Variants in ELMO1 observed in about 807,000 individuals in gnomAD.
ELMO1 encodes engulfment and cell motility protein 1.
ELMO1 carries 26 observed loss-of-function variants against 98.9 expected under a neutral mutation model. That is an observed-to-expected ratio of 0.26 (90% confidence interval 0.19 to 0.36). The LOEUF is 0.36. Ranked by LOEUF, ELMO1 falls within the 10% of genes least tolerant of loss-of-function variation. The probability of loss-of-function intolerance (pLI) is 1.00; values close to 1 mark genes in which losing one functional copy is unlikely to be tolerated. For missense variants in ELMO1, 627 were observed against 935.2 expected (o/e 0.67, Z 4.30); for synonymous variants, 346 against 346.0 (o/e 1.00, Z 0.00).
rs528509272 is a variant in ELMO1, at chr7:37,150,214, C to A, written c.1087-16980G>T. 4.6e-5 allele frequency among the ~76,000 whole-genome samples: 7 copies of A among 152,154 alleles called. No individual in the cohort carries two copies. In the East Asian group the frequency reaches 1.4e-3, roughly 29 times the overall value. The stretch of plus-strand genomic sequence containing the variant: ...ACATAGCTTACCTCCCTTCAATATA[C>A]TTCTTATAAATGGCAACATCTGAAG... On this transcript the variant is annotated intron_variant, in intron 13 of 21. Coordinates refer to ENST00000310758, the MANE Select transcript of ELMO1 (RefSeq NM_014800.11).
At chr7:36,927,547 C>T (rs1347660021) in intron 16 of ELMO1, among the ~76,000 whole-genome samples, 1 of 152,206 alleles carries the variant, frequency 6.6e-6, no homozygotes, top group Non-Finnish European at 1.5e-5. Flanking sequence ...GGCTGATTCT[C>T]ACACTAACAC....
chr7:37,357,725 T>C (rs1801546113), intron 1 of ELMO1, among the ~76,000 whole-genome samples: 1 of 152,232 alleles, frequency 6.6e-6, no homozygotes, highest in Non-Finnish European at 1.5e-5. Flanking sequence ...CTCTTCCTTC[T>C]AGTTTTTATC....
intron 15 of ELMO1, among the ~76,000 whole-genome samples, chr7:37,056,757 G>A (rs865812116): frequency 1.3e-5 from 2 of 152,118 alleles, no homozygotes; most frequent in African/African-American, 4.8e-5. Flanking sequence ...AGGGCAGGGG[G>A]AGAAATACAA....
intron 13 of ELMO1, among the ~76,000 whole-genome samples, chr7:37,164,315 T>G (rs574527993): frequency 1.3e-5 from 2 of 152,326 alleles, no homozygotes; most frequent in Admixed American, 1.3e-4. Context: ...GTAGTTTCTT[T>G]TGCTGTGCAG....
At chr7:37,199,583 C>T (rs1270676968) in intron 13 of ELMO1, among the ~76,000 whole-genome samples, 3 of 152,204 alleles carry the variant, frequency 2.0e-5, no homozygotes, top group Non-Finnish European at 2.9e-5. Flanking sequence ...CTTGCTCCCT[C>T]CCCATGCCGG....
intron 15 of ELMO1, among the ~76,000 whole-genome samples, chr7:37,047,906 T>C (rs1795891122): frequency 1.3e-5 from 2 of 152,118 alleles, no homozygotes. Flanking sequence ...AAAAAACGTA[T>C]TTTAAAATTA....
intron 6 of ELMO1, among the ~76,000 whole-genome samples, chr7:37,248,633 T>G (rs1176204466): frequency 6.6e-6 from 1 of 152,222 alleles, no homozygotes; most frequent in Non-Finnish European, 1.5e-5. Context: ...TGGGAAGATG[T>G]GGCAGCCATC....
rs138478157 is a variant in ELMO1, at chr7:37,124,582, C to T, written c.1191+8548G>A. 1.4e-3 allele frequency among the ~76,000 whole-genome samples: 211 copies of T among 152,152 alleles called. 2 individuals carry two copies. In the South Asian group the frequency reaches 0.022, roughly 16 times the overall value. ...ACCTAAGAATCCAACTTACAAGGGA[C>T]GTGAAGGACCTCTTCGAGGAGAACA... On this transcript the variant is annotated intron_variant, in intron 14 of 21. Transcript: ENST00000310758.
chr7:37,430,693 A>ATAC (rs1365565360), intron 1 of ELMO1, among the ~76,000 whole-genome samples: 2 of 152,266 alleles, frequency 1.3e-5, no homozygotes, highest in Admixed American at 6.5e-5. Flanking sequence ...TTCAAAACTC[A>ATAC]TACATACTCT....
chr7:37,155,503 A>AAAAAAAAATAAAAT (rs61189239), intron 13 of ELMO1, among the ~76,000 whole-genome samples: 2 of 131,738 alleles, frequency 1.5e-5, no homozygotes, highest in Non-Finnish European at 3.2e-5. Flanking sequence ...AAAAAAAAAA[A>AAAAAAAAATAAAAT]AAAAAGCAGG....
At chr7:37,297,211 T>A (rs1478514940) in intron 4 of ELMO1, among the ~76,000 whole-genome samples, 1 of 152,244 alleles carries the variant, frequency 6.6e-6, no homozygotes, top group Non-Finnish European at 1.5e-5. Flanking sequence ...TTTACGCTGA[T>A]TGTTTTATTC....
At chr7:37,043,285 T>C (rs1795624674) in intron 15 of ELMO1, among the ~76,000 whole-genome samples, 1 of 152,254 alleles carries the variant, frequency 6.6e-6, no homozygotes, top group Non-Finnish European at 1.5e-5. Context: ...GATCCTGTAC[T>C]GTGTTAACTG....
At chr7:37,192,984 TATATATATATATATATATATATATAC>T (rs1262580656) in intron 13 of ELMO1, among the ~76,000 whole-genome samples, 3 of 50,978 alleles carry the variant, frequency 5.9e-5, no homozygotes, top group African/African-American at 2.0e-4. Flanking sequence ...TATATATATA[TATATATATATATATATATATATATAC>T]ACACACACAC....
chr7:36,984,416 C>T (rs911721186), intron 16 of ELMO1, among the ~76,000 whole-genome samples: 1 of 152,172 alleles, frequency 6.6e-6, no homozygotes, highest in African/African-American at 2.4e-5. Flanking sequence ...CAACGTCAGC[C>T]CTACTTCTTT....
chr7:36,882,231 C>T (rs968144312), intron 18 of ELMO1, among the ~76,000 whole-genome samples: 9 of 152,220 alleles, frequency 5.9e-5, no homozygotes, highest in African/African-American at 2.2e-4. Flanking sequence ...GTCTTTAGAA[C>T]ACTTCCATTA....
At chr7:37,279,409 T>G (rs1478226366) in intron 4 of ELMO1, among the ~76,000 whole-genome samples, 1 of 152,056 alleles carries the variant, frequency 6.6e-6, no homozygotes, top group Admixed American at 6.5e-5. Flanking sequence ...TAGCTCCAGA[T>G]AGACTGCAAG....
At chr7:37,210,268 G>T (rs1456002413) in intron 13 of ELMO1, among the ~76,000 whole-genome samples, 1 of 152,026 alleles carries the variant, frequency 6.6e-6, no homozygotes, top group Non-Finnish European at 1.5e-5. Context: ...ATTAATTATA[G>T]ACTTATGGTA....
At chr7:37,385,394 G>A (rs1468763136) in intron 1 of ELMO1, among the ~76,000 whole-genome samples, 2 of 152,088 alleles carry the variant, frequency 1.3e-5, no homozygotes, top group African/African-American at 4.8e-5. Flanking sequence ...CCAAGCACAG[G>A]GCTGTTCAGC....
chr7:36,895,142 G>C (rs1443107161), intron 16 of ELMO1, 125 bp from the exon 17 acceptor site: 4 of 1,087,960 alleles, frequency 3.7e-6, no homozygotes, highest in Non-Finnish European at 5.2e-6. Flanking sequence ...CATTAACCTT[G>C]AGCATGCTTT....
Sources: allele counts gnomAD v4.1 joint callset (sites outside exome capture counted in the v4.1 genomes callset), GRCh38; gene constraint gnomAD v4.1.1; transcripts MANE v1.5; gene names NCBI Gene and HGNC (gene_info 2026-07-23, HGNC 2026-07-21).